Variants in NELL1 observed in about 807,000 individuals in gnomAD.
The protein encoded by NELL1 is neural EGFL like 1.
NELL1 carries 76 observed loss-of-function variants against 107.4 expected under a neutral mutation model. The ratio of observed to expected loss-of-function variants is 0.71; its 90% CI spans 0.59 to 0.86. The LOEUF is 0.86. Among genes scored for constraint, NELL1 ranks in the 40% least tolerant of loss-of-function variants. The pLI, the probability that NELL1 is intolerant of heterozygous loss-of-function variation, is 0.00. For missense variants in NELL1, 1,024 were observed against 1,005.5 expected, an observed-to-expected ratio of 1.02 and a Z score of -0.25; for synonymous variants, 353 against 341.2, an observed-to-expected ratio of 1.03 and a Z score of -0.38.
chr11:20,695,274 ATGCCTTTAATGTC>A (rs1854584910), intron 2 of NELL1, among the ~76,000 whole-genome samples: 1 of 152,012 alleles, frequency 6.6e-6, no homozygotes, highest in African/African-American at 2.4e-5. Flanking sequence ...TCCTATTTGG[ATGCCTTTAATGTC>A]TTCCTGTTGC....
intron 15 of NELL1, among the ~76,000 whole-genome samples, chr11:21,482,480 G>C (rs536038234): frequency 6.6e-6 from 1 of 152,212 alleles, no homozygotes; most frequent in African/African-American, 2.4e-5. Context: ...TACACATGTC[G>C]ACTACATTTC....
At chr11:20,981,234 A>T (rs1411049659) in intron 12 of NELL1, among the ~76,000 whole-genome samples, 2 of 152,208 alleles carry the variant, frequency 1.3e-5, no homozygotes, top group Admixed American at 6.5e-5. Context: ...AGGCATATGT[A>T]TTTTGACAAC....
chr11:21,565,770 G>A (rs910338163), intron 17 of NELL1, among the ~76,000 whole-genome samples: 20 of 152,008 alleles, frequency 1.3e-4, no homozygotes, highest in Middle Eastern at 3.4e-3. Flanking sequence ...GCCTCTCTGG[G>A]CTTGGTTTCC....
At chr11:21,335,472 G>A (rs928228900) in intron 14 of NELL1, among the ~76,000 whole-genome samples, 3 of 152,002 alleles carry the variant, frequency 2.0e-5, no homozygotes, top group East Asian at 3.9e-4. Context: ...AATAATAATC[G>A]TGTGGCTCAA....
chr11:21,224,040 A>G (rs1334165326), intron 13 of NELL1, among the ~76,000 whole-genome samples: 1 of 152,080 alleles, frequency 6.6e-6, no homozygotes, highest in Admixed American at 6.5e-5. Context: ...TGTTAGTCTG[A>G]TGGCATATCC....
intron 11 of NELL1, among the ~76,000 whole-genome samples, chr11:20,949,320 C>T (rs1851027480): frequency 1.3e-5 from 2 of 152,030 alleles, no homozygotes; most frequent in South Asian, 4.2e-4. Context: ...AGAAATGGCC[C>T]CTAGAATTAG....
chr11:20,737,822 T>A (rs758915053), intron 2 of NELL1, among the ~76,000 whole-genome samples: 104 of 151,830 alleles, frequency 6.8e-4, no homozygotes, highest in Non-Finnish European at 1.3e-3. Context: ...TACAAAAATT[T>A]AAAGTGGAGA....
chr11:21,299,690 G>A (rs1049111718), intron 14 of NELL1, among the ~76,000 whole-genome samples: 1 of 151,800 alleles, frequency 6.6e-6, no homozygotes, highest in African/African-American at 2.4e-5. Flanking sequence ...AGGCACTGTA[G>A]ACTTTATGGT....
chr11:20,930,144 C>A (rs868320958), intron 9 of NELL1, among the ~76,000 whole-genome samples: 20 of 151,900 alleles, frequency 1.3e-4, no homozygotes, highest in Admixed American at 9.8e-4. Context: ...AACTTTTTGA[C>A]GTTTTTTTAA....
intron 12 of NELL1, among the ~76,000 whole-genome samples, chr11:21,084,723 T>C (rs1854348707): frequency 6.6e-6 from 1 of 152,208 alleles, no homozygotes; most frequent in African/African-American, 2.4e-5. Flanking sequence ...TCCCTTTGTC[T>C]TGATAGCGCA....
chr11:21,503,876 A>G (rs1855214034), intron 15 of NELL1, among the ~76,000 whole-genome samples: 1 of 151,902 alleles, frequency 6.6e-6, no homozygotes, highest in Admixed American at 6.6e-5. Flanking sequence ...TAAATACAGT[A>G]ATTGATCCTC....
chr11:21,181,981 T>C (rs1332995019), intron 13 of NELL1, among the ~76,000 whole-genome samples: 2 of 151,918 alleles, frequency 1.3e-5, no homozygotes, highest in Non-Finnish European at 2.9e-5. Context: ...CTCACAACTA[T>C]CTAATGAAGT....
rs140422934 is a variant in NELL1 at position 21,539,997 on chromosome 11, G to T, written c.1786+5483G>T. 9.6e-3 allele frequency among the ~76,000 whole-genome samples: 1,454 copies of T among 151,904 alleles called. 21 individuals carry two copies. The highest frequency in any genetic ancestry group is 0.033 in the African/African-American group (1,386 of 41,442). ...CTGAAGATTCATATTCAGTTGGTCT[G>T]GTGTGGGACCTAGATTGACACCATT... On this transcript the variant is annotated intron_variant, in intron 16 of 19. Coordinates refer to ENST00000357134, the MANE Select transcript of NELL1 (RefSeq NM_006157.5).
At chr11:21,508,486 AGG>A (rs1855353344) in intron 15 of NELL1, among the ~76,000 whole-genome samples, 1 of 152,170 alleles carries the variant, frequency 6.6e-6, no homozygotes, top group Non-Finnish European at 1.5e-5. Context: ...GAAAATAAAA[AGG>A]GGACATATTT....
intron 14 of NELL1, among the ~76,000 whole-genome samples, chr11:21,275,393 T>C (rs1565142400): frequency 6.6e-6 from 1 of 152,124 alleles, no homozygotes; most frequent in Non-Finnish European, 1.5e-5. Flanking sequence ...GGCTCTGAAA[T>C]TGAGGCAATA....
chr11:21,286,674 T>C (rs1206687634), intron 14 of NELL1, among the ~76,000 whole-genome samples: 2 of 152,334 alleles, frequency 1.3e-5, no homozygotes, highest in African/African-American at 2.4e-5. Flanking sequence ...TTAAAGATGG[T>C]CATTTTCAGA....
intron 5 of NELL1, among the ~76,000 whole-genome samples, chr11:20,911,540 AC>A (rs1850131305): frequency 6.6e-6 from 1 of 152,204 alleles, no homozygotes; most frequent in South Asian, 2.1e-4. Flanking sequence ...CACAGTTACC[AC>A]TGTGTTGATT....
At chr11:21,559,487 A>C (rs780426177) in intron 16 of NELL1, among the ~76,000 whole-genome samples, 1 of 152,074 alleles carries the variant, frequency 6.6e-6, no homozygotes, top group African/African-American at 2.4e-5. Context: ...TTTTTATTCC[A>C]TTGTTGGCTG....
chr11:21,263,563 G>C (rs924061880), intron 14 of NELL1, among the ~76,000 whole-genome samples: 3 of 151,924 alleles, frequency 2.0e-5, no homozygotes, highest in Non-Finnish European at 4.4e-5. Context: ...GTGTTCCATA[G>C]TGCAGAAAAT....
Sources: allele counts gnomAD v4.1 joint callset (sites outside exome capture counted in the v4.1 genomes callset), GRCh38; gene constraint gnomAD v4.1.1; transcripts MANE v1.5; gene names NCBI Gene and HGNC (gene_info 2026-07-23, HGNC 2026-07-21).